The following FAM135B variants were observed in gnomAD, a reference collection of about 807,000 sequenced individuals.
FAM135B encodes family with sequence similarity 135 member B.
In FAM135B, 43 loss-of-function variants were observed where a neutral mutation model predicts 127.7. The ratio of observed to expected loss-of-function variants is 0.34; its 90% CI spans 0.26 to 0.43. The LOEUF is 0.43. Ranked by LOEUF, FAM135B falls within the 20% of genes least tolerant of loss-of-function variation. The pLI, the probability that FAM135B is intolerant of heterozygous loss-of-function variation, is 1.00. For missense variants in FAM135B, 1,558 were observed against 1,725.6 expected (o/e 0.90, Z 1.72); for synonymous variants, 670 against 665.1 (o/e 1.01, Z -0.11).
rs775349424 is a variant in FAM135B at position 138,153,117 on chromosome 8, T to C, written c.1358A>G (p.Asn453Ser). ...DKEDNCMVNS[N>S]LSFREDLVLS... ...GACAAGGTCTTCCCTAAAAGATAAA[T>C]TGCTATTTACCATACAGTTATCTTC... The change falls in exon 13 of 20, where the codon AAT becomes AGT. Residue 453 changes from asparagine (N) to serine (S), a missense_variant. Asn to Ser is a conservative substitution (Grantham distance 46, BLOSUM62 1). Transcript: ENST00000395297. The C allele has an allele frequency of 1.1e-5, 17 of 1,613,946 alleles. No individual in the cohort carries two copies. In the East Asian group the frequency reaches 2.7e-4, roughly 25 times the overall value.
chr8:138,342,097 T>G (rs1829088608), intron 2 of FAM135B, among the ~76,000 whole-genome samples: 1 of 152,228 alleles, frequency 6.6e-6, no homozygotes, highest in Non-Finnish European at 1.5e-5. Flanking sequence ...TGCTAAGATC[T>G]CCACATCTCT....
intron 1 of FAM135B, among the ~76,000 whole-genome samples, chr8:138,370,910 G>A (rs1563944296): frequency 6.6e-6 from 1 of 152,104 alleles, no homozygotes; most frequent in Non-Finnish European, 1.5e-5. Flanking sequence ...TGGTTTTCAG[G>A]TGTGGTCCTC....
At chr8:138,332,663 G>A (rs1828272391) in intron 2 of FAM135B, among the ~76,000 whole-genome samples, 1 of 152,034 alleles carries the variant, frequency 6.6e-6, no homozygotes, top group African/African-American at 2.4e-5. Flanking sequence ...GGGGCGTGTG[G>A]TGCATTTAGG....
At chr8:138,417,710 C>T (rs1834248411) in intron 1 of FAM135B, among the ~76,000 whole-genome samples, 1 of 152,182 alleles carries the variant, frequency 6.6e-6, no homozygotes, top group African/African-American at 2.4e-5. Flanking sequence ...GAGTGCTGAG[C>T]TAAGCCTTGG....
intron 13 of FAM135B, among the ~76,000 whole-genome samples, chr8:138,150,963 T>C (rs932939558): frequency 1.3e-5 from 2 of 152,048 alleles, no homozygotes; most frequent in Admixed American, 6.6e-5. Flanking sequence ...GTGGTTACAT[T>C]TGAAGGTAGA....
chr8:138,301,555 C>G (rs143462000), intron 3 of FAM135B, among the ~76,000 whole-genome samples: 1 of 152,070 alleles, frequency 6.6e-6, no homozygotes, highest in African/African-American at 2.4e-5. Context: ...CGAGCTCTGT[C>G]TTCAGATGTG....
intron 1 of FAM135B, among the ~76,000 whole-genome samples, chr8:138,461,661 G>A (rs1310401245): frequency 1.3e-5 from 2 of 152,134 alleles, no homozygotes; most frequent in African/African-American, 4.8e-5. Context: ...ACTATGAAAT[G>A]AATAGGATCA....
At chr8:138,450,403 G>A (rs1251157864) in intron 1 of FAM135B, 1 of 152,204 alleles carries the variant, frequency 6.6e-6, no homozygotes, top group East Asian at 1.9e-4. Context: ...AGTATGCTTA[G>A]TTTTGTAAGG....
intron 2 of FAM135B, among the ~76,000 whole-genome samples, chr8:138,337,863 G>T (rs1315643438): frequency 6.6e-6 from 1 of 152,030 alleles, no homozygotes; most frequent in Non-Finnish European, 1.5e-5. Flanking sequence ...AAACTATACT[G>T]CAAGGCTACA....
chr8:138,378,997 A>G (rs558964493), intron 1 of FAM135B, among the ~76,000 whole-genome samples: 1 of 152,290 alleles, frequency 6.6e-6, no homozygotes, highest in East Asian at 1.9e-4. Context: ...TCAGGCATGG[A>G]GCCTTTTCCC....
At chr8:138,154,552 AT>A (rs1818513635) in intron 12 of FAM135B, among the ~76,000 whole-genome samples, 1 of 152,146 alleles carries the variant, frequency 6.6e-6, no homozygotes, top group Non-Finnish European at 1.5e-5. Flanking sequence ...TTGAAAAAAG[AT>A]TAGACAAATG....
At chr8:138,342,169 A>G (rs1196629847) in intron 2 of FAM135B, among the ~76,000 whole-genome samples, 1 of 152,252 alleles carries the variant, frequency 6.6e-6, no homozygotes, top group Non-Finnish European at 1.5e-5. Flanking sequence ...AGGGAAATAC[A>G]GGCAGACTGA....
chr8:138,215,013 A>G, intron 7 of FAM135B, among the ~76,000 whole-genome samples: 1 of 152,240 alleles, frequency 6.6e-6, no homozygotes, highest in East Asian at 1.9e-4. Context: ...ACTAACGTAG[A>G]CATAAGAGAG....
chr8:138,182,933 G>C (rs1329901257), intron 9 of FAM135B, among the ~76,000 whole-genome samples: 3 of 152,140 alleles, frequency 2.0e-5, no homozygotes. Flanking sequence ...GGGCAGCCAG[G>C]GTTGCAAACC....
intron 9 of FAM135B, among the ~76,000 whole-genome samples, chr8:138,193,310 C>T (rs1471440993): frequency 6.6e-6 from 1 of 152,202 alleles, no homozygotes; most frequent in African/African-American, 2.4e-5. Flanking sequence ...GGCTGAGAAT[C>T]CCTGCTGATT....
At chr8:138,179,335 A>T (rs1057364632) in intron 9 of FAM135B, among the ~76,000 whole-genome samples, 2 of 152,208 alleles carry the variant, frequency 1.3e-5, no homozygotes, top group Non-Finnish European at 1.5e-5. Context: ...CAGCAGTTAT[A>T]ACTTCCAATC....
At position 138,232,362 on chromosome 8, in the gene FAM135B, T is replaced by C. The variant is rs146474701; in HGVS notation, c.669+10580A>G. ...GAGCATGGCTTCAGAAGGCAGACAA[T>C]GTGGAACAAGGCAATTTTCAGTAAT... On this transcript the variant is annotated intron_variant, in intron 7 of 19. Transcript: ENST00000395297. 3.3e-5 allele frequency among the ~76,000 whole-genome samples: 5 copies of C among 152,326 alleles called. No individual in the cohort carries two copies. In the East Asian group the frequency reaches 7.7e-4, roughly 24 times the overall value.
At chr8:138,139,611 A>T (rs1045048660) in intron 17 of FAM135B, among the ~76,000 whole-genome samples, 1 of 152,130 alleles carries the variant, frequency 6.6e-6, no homozygotes, top group Admixed American at 6.5e-5. Flanking sequence ...CGACTCTATT[A>T]AAAAATTAGC....
At chr8:138,438,610 A>C (rs1835594199) in intron 1 of FAM135B, 2 of 152,226 alleles carry the variant, frequency 1.3e-5, no homozygotes, top group Non-Finnish European at 1.5e-5. Context: ...CAGCACAAGC[A>C]AGGGGAAATA....
Sources: gnomAD v4.1 joint callset for allele counts (sites outside exome capture counted in the v4.1 genomes callset) on GRCh38, gnomAD v4.1.1 for gene constraint, MANE v1.5 for transcripts, NCBI Gene and HGNC (gene_info 2026-07-23, HGNC 2026-07-21) for gene names.